Variants in OSBPL8 observed in about 807,000 individuals in gnomAD.
The protein encoded by OSBPL8 is oxysterol binding protein like 8, also known as oxysterol-binding protein-related protein 8.
Under a neutral mutation model 125.5 loss-of-function variants are expected in OSBPL8, and 59 were observed. The observed-to-expected ratio is 0.47, with a 90% CI of 0.38 to 0.58. OSBPL8 has a LOEUF of 0.58. Among genes scored for constraint, OSBPL8 ranks in the 20% least tolerant of loss-of-function variants. The probability of loss-of-function intolerance (pLI) is 0.00; values close to 1 mark genes in which losing one functional copy is unlikely to be tolerated. For missense variants in OSBPL8, 758 were observed against 1,047.8 expected, an observed-to-expected ratio of 0.72 and a Z score of 3.82; for synonymous variants, 330 against 338.9, an observed-to-expected ratio of 0.97 and a Z score of 0.29.
intron 4 of OSBPL8, among the ~76,000 whole-genome samples, chr12:76,427,155 T>TG (rs1870245818): frequency 6.6e-6 from 1 of 152,110 alleles, no homozygotes; most frequent in African/African-American, 2.4e-5. Flanking sequence ...TTAAAATACT[T>TG]GGTAAGCTCA....
Position 76,358,780 on chromosome 12 carries a change from G to A in OSBPL8, c.2360C>T (p.Thr787Ile). Residue 787 changes from threonine (T) to isoleucine (I), a missense_variant, in exon 22 of 24, where the codon ACC becomes ATC. Thr to Ile is a moderately conservative substitution (Grantham distance 89). This residue lies in a region of OSBPL8 where 572 missense variants were observed against 762.0 expected (regional missense o/e 0.75). Transcript: ENST00000261183. Reference sequence around the variant, plus strand: ...TTTTGCTACTTTCTTCTGTTGCCTGGTTGGCTTATGTTTCATTTTGGGGAC... The same window carrying A: ...TTTTGCTACTTTCTTCTGTTGCCTGATTGGCTTATGTTTCATTTTGGGGAC... Reference protein sequence around the residue: ...VSVPKMKHKPTRQQKKVAKGY... With the variant: ...VSVPKMKHKPIRQQKKVAKGY... 6.2e-7 allele frequency: 1 copy of A among 1,613,978 alleles called. No individual in the cohort carries two copies. The highest frequency in any genetic ancestry group is 8.5e-7 in the Non-Finnish European group (1 of 1,179,972).
At chr12:76,484,931 T>A (rs1159160385) in intron 2 of OSBPL8, among the ~76,000 whole-genome samples, 1 of 152,284 alleles carries the variant, frequency 6.6e-6, no homozygotes, top group Middle Eastern at 3.4e-3. Context: ...ATTTTTATTA[T>A]TTTTTTGAGA....
intron 4 of OSBPL8, among the ~76,000 whole-genome samples, chr12:76,418,451 A>G (rs1869018289): frequency 6.6e-6 from 1 of 152,160 alleles, no homozygotes; most frequent in Non-Finnish European, 1.5e-5. Context: ...AGGATTAGAA[A>G]CCAGGTAGTC....
Position 76,371,506 on chromosome 12 carries a change from A to T in OSBPL8, c.1996T>A (p.Trp666Arg), listed in dbSNP as rs1293066992. The change falls in exon 19 of 24, where the codon TGG becomes AGG. Residue 666 changes from tryptophan to arginine, a missense_variant. By Grantham distance (101) the Trp-to-Arg change is moderately radical. Around this residue, in one of 3 missense-constraint regions of OSBPL8, gnomAD observed 572 missense variants for 762.0 expected, o/e 0.75. Coordinates refer to ENST00000261183, the MANE Select transcript of OSBPL8 (RefSeq NM_020841.5). Reference sequence around the variant, plus strand: ...TTTACAGTGTGCCTTATTAATCTCCATTGCTTAATGTCAGGTGTTGGATTC... The same window carrying T: ...TTTACAGTGTGCCTTATTAATCTCCTTTGCTTAATGTCAGGTGTTGGATTC... ...FWNPTPDIKQ[W>R]RLIRHTVKFE... 6.2e-7 allele frequency: 1 copy of T among 1,611,214 alleles called. No individual in the cohort carries two copies. Among genetic ancestry groups the T allele is most frequent in the African/African-American group, 1.3e-5 (1 of 74,830 alleles).
At chr12:76,390,734 A>G in intron 10 of OSBPL8, 77 bp from the exon 11 acceptor site, 1 of 857,512 alleles carries the variant, frequency 1.2e-6, no homozygotes, top group Non-Finnish European at 1.9e-6. Context: ...ATTATATACA[A>G]CATTTATTGA....
At chr12:76,368,931 G>A (rs1322859624) in intron 21 of OSBPL8, among the ~76,000 whole-genome samples, 1 of 152,086 alleles carries the variant, frequency 6.6e-6, no homozygotes, top group African/African-American at 2.4e-5. Flanking sequence ...TGGACCTGGG[G>A]CAAGGGCAGG....
chr12:76,515,865 T>G (rs73385537), intron 1 of OSBPL8, among the ~76,000 whole-genome samples: 5,996 of 152,192 alleles, frequency 0.039, 356 homozygotes, highest in African/African-American at 0.13. Context: ...GCCACACATA[T>G]TAGCTGCTTC....
At chr12:76,469,907 A>G (rs1875928318) in intron 2 of OSBPL8, among the ~76,000 whole-genome samples, 1 of 149,540 alleles carries the variant, frequency 6.7e-6, no homozygotes. Context: ...ACAAGAAAAG[A>G]AAAAAAAAAG....
intron 2 of OSBPL8, among the ~76,000 whole-genome samples, chr12:76,478,920 C>T (rs533800853): frequency 1.3e-5 from 2 of 152,040 alleles, no homozygotes; most frequent in Non-Finnish European, 2.9e-5. Context: ...TCCGTCTCTA[C>T]TAAAAATACA....
At chr12:76,419,590 T>C (rs375587694) in intron 4 of OSBPL8, among the ~76,000 whole-genome samples, 3 of 152,272 alleles carry the variant, frequency 2.0e-5, no homozygotes, top group Admixed American at 6.5e-5. Context: ...TTGAAAGTGA[T>C]AAAGTACTTA....
intron 21 of OSBPL8, among the ~76,000 whole-genome samples, chr12:76,364,742 A>C (rs750852254): frequency 6.6e-6 from 1 of 152,238 alleles, no homozygotes; most frequent in African/African-American, 2.4e-5. Context: ...CTGTTCTTAC[A>C]TAAGTACCAC....
chr12:76,371,198 CTTTT>C (rs199830313), intron 19 of OSBPL8: 19 of 290,050 alleles, frequency 6.6e-5, no homozygotes, highest in South Asian at 1.3e-4. Context: ...TTCTTTCTTT[CTTTT>C]TTTTTAAGGT....
At chr12:76,501,824 C>T (rs1592801183) in intron 1 of OSBPL8, among the ~76,000 whole-genome samples, 1 of 152,228 alleles carries the variant, frequency 6.6e-6, no homozygotes, top group East Asian at 1.9e-4. Context: ...TTACGTTGAG[C>T]TGCTTCCATC....
At chr12:76,403,887 G>A (rs1239457141) in intron 5 of OSBPL8, among the ~76,000 whole-genome samples, 2 of 152,062 alleles carry the variant, frequency 1.3e-5, no homozygotes, top group Admixed American at 6.6e-5. Context: ...TGTATCACCC[G>A]AAGAAAAGAA....
At chr12:76,479,987 A>T (rs1186407732) in intron 2 of OSBPL8, among the ~76,000 whole-genome samples, 1 of 151,796 alleles carries the variant, frequency 6.6e-6, no homozygotes, top group Non-Finnish European at 1.5e-5. Context: ...ACCAACACGG[A>T]GAAACTCTGT....
At chr12:76,478,700 G>A (rs989869085) in intron 2 of OSBPL8, among the ~76,000 whole-genome samples, 5 of 151,886 alleles carry the variant, frequency 3.3e-5, no homozygotes, top group Admixed American at 6.6e-5. Context: ...GTAATACTGA[G>A]CAATATATTC....
intron 1 of OSBPL8, among the ~76,000 whole-genome samples, chr12:76,504,771 A>C (rs552513145): frequency 6.6e-6 from 1 of 152,348 alleles, no homozygotes; most frequent in South Asian, 2.1e-4. Flanking sequence ...CTGAATTCTT[A>C]TATGATGCCA....
intron 2 of OSBPL8, among the ~76,000 whole-genome samples, chr12:76,463,665 T>C (rs1437823982): frequency 6.6e-6 from 1 of 152,096 alleles, no homozygotes; most frequent in Non-Finnish European, 1.5e-5. Flanking sequence ...GCACTGCAAA[T>C]GCAAAGCTGA....
In OSBPL8 at chr12:76,389,689, C is replaced by A; in HGVS notation, c.1308G>T (p.Leu436=). 2 of 1,601,096 alleles carry A rather than the reference C, an allele frequency of 1.2e-6. No homozygotes were observed. Residue 436 remains leucine (L), a synonymous_variant, in exon 12 of 24, where the codon CTG becomes CTT. Transcript: ENST00000261183. ...GATAGTAGTAATCTGAAAGTTTATC[C>A]AGGAAAGAACGGGGTTCCAAAATAA... ...PTFILEPRSF[L]DKLSDYYYHA... is the part of the protein sequence containing the mutation.
Sources: allele counts gnomAD v4.1 joint callset (sites outside exome capture counted in the v4.1 genomes callset), GRCh38; gene constraint gnomAD v4.1.1; regional missense constraint gnomAD v4.1.1; transcripts MANE v1.5; gene names NCBI Gene and HGNC (gene_info 2026-07-23, HGNC 2026-07-21).